The following ARHGAP32 variants were observed in gnomAD, a reference collection of about 807,000 sequenced individuals.
ARHGAP32 encodes the protein rho GTPase-activating protein 32.
In ARHGAP32, 51 loss-of-function variants were observed where a neutral mutation model predicts 186.5. The ratio of observed to expected loss-of-function variants is 0.27; its 90% confidence interval spans 0.22 to 0.35. The LOEUF (loss-of-function observed/expected upper bound fraction) is 0.35. ARHGAP32 is among the 10% of genes least tolerant of loss of function. The pLI is 1.00. For missense variants in ARHGAP32, 2,186 were observed against 2,623.5 expected, an observed-to-expected ratio of 0.83 and a Z score of 3.64; for synonymous variants, 950 against 964.3, an observed-to-expected ratio of 0.99 and a Z score of 0.27.
chr11:129,185,389 G>A (rs187222386), intron 1 of ARHGAP32, among the ~76,000 whole-genome samples: 35 of 152,218 alleles, frequency 2.3e-4, no homozygotes, highest in Admixed American at 1.9e-3. Context: ...ACTCATAGGT[G>A]GGAATTGAAC....
intron 17 of ARHGAP32, 67 bp downstream of exon 17, chr11:128,981,349 C>G: frequency 4.7e-6 from 7 of 1,489,288 alleles, no homozygotes; most frequent in Non-Finnish European, 6.3e-6. Flanking sequence ...ATAAGAAATG[C>G]ATGGTTTGCT....
intron 11 of ARHGAP32, among the ~76,000 whole-genome samples, chr11:129,002,030 G>A (rs1356638518): frequency 6.6e-6 from 1 of 152,094 alleles, no homozygotes; most frequent in Non-Finnish European, 1.5e-5. Flanking sequence ...TCTGAAGTCA[G>A]GTAATGTGAT....
intron 1 of ARHGAP32, among the ~76,000 whole-genome samples, chr11:129,258,089 T>C (rs1233721350): frequency 6.6e-6 from 1 of 152,232 alleles, no homozygotes; most frequent in Admixed American, 6.6e-5. Context: ...AAGATTTCTT[T>C]AAAGGGAATA....
chr11:129,249,654 A>G (rs1052672004), intron 1 of ARHGAP32, among the ~76,000 whole-genome samples: 2 of 152,230 alleles, frequency 1.3e-5, no homozygotes, highest in South Asian at 4.1e-4. Flanking sequence ...GAGTGAGACT[A>G]TAAGAAGAAG....
chr11:129,057,931 T>G (rs761030755), intron 10 of ARHGAP32, among the ~76,000 whole-genome samples: 3 of 152,102 alleles, frequency 2.0e-5, no homozygotes, highest in Non-Finnish European at 2.9e-5. Flanking sequence ...AGTGACCATC[T>G]GTGAGCCAAG....
chr11:129,229,779 G>GAT (rs1489660027), intron 1 of ARHGAP32, among the ~76,000 whole-genome samples: 2 of 152,140 alleles, frequency 1.3e-5, no homozygotes, highest in African/African-American at 2.4e-5. Flanking sequence ...TGAATATTAA[G>GAT]ATATATATAT....
chr11:129,214,378 T>G (rs572657301), intron 1 of ARHGAP32, among the ~76,000 whole-genome samples: 233 of 152,354 alleles, frequency 1.5e-3, no homozygotes, highest in Non-Finnish European at 3.0e-3. Context: ...GTTCTATATC[T>G]GCAACTTTTC....
chr11:129,210,933 T>C (rs552460077), intron 1 of ARHGAP32, among the ~76,000 whole-genome samples: 3 of 152,322 alleles, frequency 2.0e-5, no homozygotes, highest in Non-Finnish European at 4.4e-5. Context: ...TGCACGGGAC[T>C]GCTGCACTGT....
intron 2 of ARHGAP32, among the ~76,000 whole-genome samples, chr11:129,132,328 A>G (rs1942830964): frequency 6.6e-6 from 1 of 152,096 alleles, no homozygotes; most frequent in Non-Finnish European, 1.5e-5. Context: ...AAATATTTAA[A>G]TGTTAGCCAG....
intron 1 of ARHGAP32, among the ~76,000 whole-genome samples, chr11:129,231,227 G>A (rs1029102669): frequency 6.6e-6 from 1 of 152,118 alleles, no homozygotes; most frequent in African/African-American, 2.4e-5. Context: ...GTTTGTTATT[G>A]TTACGGTTTT....
intron 1 of ARHGAP32, among the ~76,000 whole-genome samples, chr11:129,188,733 TTAAC>T (rs778581221): frequency 6.6e-6 from 1 of 152,194 alleles, no homozygotes; most frequent in Non-Finnish European, 1.5e-5. Flanking sequence ...ATCATCCAGT[TTAAC>T]TAAAGTCAGA....
chr11:128,979,979 A>G (rs1022468589), intron 18 of ARHGAP32, among the ~76,000 whole-genome samples: 1 of 152,230 alleles, frequency 6.6e-6, no homozygotes, highest in Non-Finnish European at 1.5e-5. Flanking sequence ...CAGACATCAG[A>G]ATCACCTGGA....
intron 5 of ARHGAP32, among the ~76,000 whole-genome samples, chr11:129,097,252 C>T (rs947255904): frequency 6.6e-6 from 1 of 152,032 alleles, no homozygotes; most frequent in Non-Finnish European, 1.5e-5. Context: ...TAGCTTGAGG[C>T]CAGGAGTTCA....
chr11:128,971,362 G>A, intron 22 of ARHGAP32: 2 of 510,236 alleles, frequency 3.9e-6, no homozygotes, highest in Middle Eastern at 5.0e-4. Flanking sequence ...ATTATCTTTG[G>A]AGAACCATTC....
intron 2 of ARHGAP32, among the ~76,000 whole-genome samples, chr11:129,155,319 A>C (rs1212703095): frequency 6.6e-6 from 1 of 152,236 alleles, no homozygotes; most frequent in Non-Finnish European, 1.5e-5. Flanking sequence ...AAAAATAAGA[A>C]AAGAAGAAAG....
At position 128,989,959 on chromosome 11, in the gene ARHGAP32, G is replaced by A. The variant is rs556199808; in HGVS notation, c.1196-1834C>T. 4.6e-5 allele frequency among the ~76,000 whole-genome samples: 7 copies of A among 152,186 alleles called. No individual in the cohort carries two copies. The East Asian group carries it at 1.4e-3, about 29-fold the overall frequency. On this transcript the variant is annotated intron_variant, in intron 12 of 22. Transcript: ENST00000682385. ...CCACATTTTTCTTTATCCAGTCAGA[G>A]CCAATGCTTTTGACTACTGCAATAT...
chr11:129,203,201 A>T (rs890891231), intron 1 of ARHGAP32: 6 of 152,222 alleles, frequency 3.9e-5, no homozygotes, highest in African/African-American at 1.4e-4. Context: ...GATCTTAGGA[A>T]ATCCCTCTCA....
At chr11:129,000,992 T>G (rs2134751256) in intron 11 of ARHGAP32, among the ~76,000 whole-genome samples, 1 of 152,254 alleles carries the variant, frequency 6.6e-6, no homozygotes, top group African/African-American at 2.4e-5. Context: ...ACTACCCCAT[T>G]GTGTATATGT....
chr11:129,051,953 C>CAA (rs36014500), intron 10 of ARHGAP32, among the ~76,000 whole-genome samples: 7 of 71,134 alleles, frequency 9.8e-5, no homozygotes, highest in African/African-American at 2.3e-4. Flanking sequence ...GATTCTGTCT[C>CAA]AAAAAAAAAA....
Sources: allele counts gnomAD v4.1 joint callset (sites outside exome capture counted in the v4.1 genomes callset), GRCh38; gene constraint gnomAD v4.1.1; transcripts MANE v1.5; gene names NCBI Gene and HGNC (gene_info 2026-07-23, HGNC 2026-07-21).